HS6ST3: variants seen among roughly 807,000 people sequenced by gnomAD.
The protein encoded by HS6ST3 is heparan sulfate 6-O-sulfotransferase 3.
A neutral mutation model predicts 36.7 loss-of-function variants in HS6ST3; 12 were observed. The ratio of observed to expected loss-of-function variants is 0.33; its 90% CI spans 0.21 to 0.53. HS6ST3 has a LOEUF of 0.53. Among genes scored for constraint, HS6ST3 ranks in the 20% least tolerant of loss-of-function variants. HS6ST3 has a pLI of 0.95. For missense variants in HS6ST3, 584 were observed against 640.9 expected, an observed-to-expected ratio of 0.91 and a Z score of 0.96; for synonymous variants, 240 against 257.5, an observed-to-expected ratio of 0.93 and a Z score of 0.65.
intron 1 of HS6ST3, among the ~76,000 whole-genome samples, chr13:96,659,309 C>G (rs552933088): frequency 6.6e-6 from 1 of 152,252 alleles, no homozygotes; most frequent in South Asian, 2.1e-4. Context: ...TGGATATTTT[C>G]TGTTGCAGAG....
At chr13:96,264,826 G>A (rs1001826942) in intron 1 of HS6ST3, among the ~76,000 whole-genome samples, 1 of 152,156 alleles carries the variant, frequency 6.6e-6, no homozygotes, top group African/African-American at 2.4e-5. Context: ...TTATTTGCCA[G>A]TGTTATAAGT....
chr13:96,745,511 T>C (rs1876541405), intron 1 of HS6ST3, among the ~76,000 whole-genome samples: 1 of 152,104 alleles, frequency 6.6e-6, no homozygotes, highest in Non-Finnish European at 1.5e-5. Context: ...TGTGAAAGCA[T>C]AGCTGGAGCC....
At chr13:96,172,832 T>G (rs2054194622) in intron 1 of HS6ST3, among the ~76,000 whole-genome samples, 1 of 152,206 alleles carries the variant, frequency 6.6e-6, no homozygotes, top group Non-Finnish European at 1.5e-5. Flanking sequence ...AAAGTATTAA[T>G]GTAATAGACA....
chr13:96,587,540 A>C (rs1944339388), intron 1 of HS6ST3, among the ~76,000 whole-genome samples: 1 of 152,240 alleles, frequency 6.6e-6, no homozygotes. Context: ...CTGCATCATT[A>C]CAAGATGGAT....
chr13:96,231,943 A>T (rs1222269266), intron 1 of HS6ST3, among the ~76,000 whole-genome samples: 1 of 152,112 alleles, frequency 6.6e-6, no homozygotes, highest in African/African-American at 2.4e-5. Flanking sequence ...AATGTTAATG[A>T]CACCAGTGTG....
chr13:96,251,163 A>C (rs996309807), intron 1 of HS6ST3, among the ~76,000 whole-genome samples: 1 of 152,080 alleles, frequency 6.6e-6, no homozygotes, highest in African/African-American at 2.4e-5. Context: ...GATAGGTGTT[A>C]ATTCTTCTTT....
intron 1 of HS6ST3, among the ~76,000 whole-genome samples, chr13:96,679,170 A>T (rs1159766001): frequency 6.7e-6 from 1 of 150,196 alleles, no homozygotes; most frequent in African/African-American, 2.5e-5. Context: ...CAGTTCCACA[A>T]GGCAATATAA....
chr13:96,753,509 T>A (rs1425733991), intron 1 of HS6ST3, among the ~76,000 whole-genome samples: 2 of 152,216 alleles, frequency 1.3e-5, no homozygotes, highest in East Asian at 3.8e-4. Flanking sequence ...ATACTTTCTT[T>A]ATTGTTATTG....
At chr13:96,599,422 C>A (rs1264523008) in intron 1 of HS6ST3, among the ~76,000 whole-genome samples, 1 of 151,878 alleles carries the variant, frequency 6.6e-6, no homozygotes, top group East Asian at 1.9e-4. Context: ...CTAGTGTGCA[C>A]GTATATGAGT....
intron 1 of HS6ST3, among the ~76,000 whole-genome samples, chr13:96,487,243 T>C (rs1436700905): frequency 6.6e-6 from 1 of 151,986 alleles, no homozygotes; most frequent in East Asian, 1.9e-4. Context: ...TGAAAAAAAA[T>C]AAGAAAACTC....
intron 1 of HS6ST3, among the ~76,000 whole-genome samples, chr13:96,436,038 C>A (rs1434992543): frequency 6.6e-6 from 1 of 152,196 alleles, no homozygotes; most frequent in African/African-American, 2.4e-5. Context: ...TCCTAATTCC[C>A]CTTCTTCTCT....
rs1878836926 is a variant in HS6ST3, at chr13:96,832,841, C to T, written c.1059C>T (p.Leu353=). 2.5e-6 allele frequency: 4 copies of T among 1,614,060 alleles called. No individual in the cohort carries two copies. Among genetic ancestry groups the T allele is most frequent in the South Asian group, 2.2e-5 (2 of 91,086 alleles). The change falls in exon 2 of 2, where the codon CTC becomes CTT. Residue 353 remains leucine (L), a synonymous_variant. Coordinates refer to ENST00000376705, the MANE Select transcript of HS6ST3 (RefSeq NM_153456.4). ...NNLKNMAFFG[L]TEFQRKTQFL... Reference sequence around the variant, plus strand: ...TGAAGAACATGGCCTTCTTTGGGCTCACTGAGTTCCAGAGGAAGACACAGT... The same window carrying T: ...TGAAGAACATGGCCTTCTTTGGGCTTACTGAGTTCCAGAGGAAGACACAGT...
intron 1 of HS6ST3, among the ~76,000 whole-genome samples, chr13:96,502,897 A>G (rs773536184): frequency 1.1e-4 from 17 of 152,194 alleles, no homozygotes; most frequent in Non-Finnish European, 1.8e-4. Flanking sequence ...TTGACCAAGA[A>G]AAACCTAATA....
chr13:96,291,217 T>C (rs2054828166), intron 1 of HS6ST3, among the ~76,000 whole-genome samples: 1 of 152,230 alleles, frequency 6.6e-6, no homozygotes, highest in African/African-American at 2.4e-5. Context: ...ATTCAATACG[T>C]AATCCTTAGG....
At chr13:96,815,689 C>T (rs1170623052) in intron 1 of HS6ST3, among the ~76,000 whole-genome samples, 3 of 151,966 alleles carry the variant, frequency 2.0e-5, no homozygotes, top group African/African-American at 4.8e-5. Context: ...AGATGCACTA[C>T]GAAAGGGGAA....
chr13:96,096,836 C>T (rs1474055865), intron 1 of HS6ST3, among the ~76,000 whole-genome samples: 1 of 152,112 alleles, frequency 6.6e-6, no homozygotes, highest in Non-Finnish European at 1.5e-5. Flanking sequence ...ACTATTATGG[C>T]CTGTACTGCT....
chr13:96,281,371 A>T (rs1057291928), intron 1 of HS6ST3, among the ~76,000 whole-genome samples: 1 of 152,198 alleles, frequency 6.6e-6, no homozygotes, highest in Non-Finnish European at 1.5e-5. Context: ...CCAGTTTCTC[A>T]TAAATGTGAG....
chr13:96,381,255 A>G (rs2055339118), intron 1 of HS6ST3, among the ~76,000 whole-genome samples: 1 of 152,178 alleles, frequency 6.6e-6, no homozygotes, highest in Non-Finnish European at 1.5e-5. Context: ...AACATTTATA[A>G]TATAAGCCCA....
intron 1 of HS6ST3, among the ~76,000 whole-genome samples, chr13:96,570,663 T>A (rs2056297720): frequency 6.6e-6 from 1 of 152,134 alleles, no homozygotes; most frequent in Non-Finnish European, 1.5e-5. Flanking sequence ...TTATACCCAA[T>A]GGGGGGCAAG....
Sources: gnomAD v4.1 joint callset for allele counts (sites outside exome capture counted in the v4.1 genomes callset) on GRCh38, gnomAD v4.1.1 for gene constraint, MANE v1.5 for transcripts, NCBI Gene and HGNC (gene_info 2026-07-23, HGNC 2026-07-21) for gene names.